The following PROK2 variants were observed in gnomAD, a reference collection of about 807,000 sequenced individuals.
PROK2 encodes prokineticin-2.
PROK2 carries 8 observed loss-of-function variants against 14.2 expected under a neutral mutation model. The observed-to-expected ratio is 0.56, with a 90% confidence interval of 0.33 to 1.02. The LOEUF (loss-of-function observed/expected upper bound fraction) is 1.02. Ranked by LOEUF, PROK2 falls within the 50% of genes least tolerant of loss-of-function variation. The probability of loss-of-function intolerance (pLI) is 0.03; values close to 1 mark genes in which losing one functional copy is unlikely to be tolerated. For synonymous variants in PROK2, 59 were observed against 60.7 expected (o/e 0.97, Z 0.13); for missense variants, 154 against 160.4 (o/e 0.96, Z 0.22).
At chr3:71,778,677 G>A (rs776359417) in intron 2 of PROK2, among the ~76,000 whole-genome samples, 1 of 152,132 alleles carries the variant, frequency 6.6e-6, no homozygotes, top group Admixed American at 6.5e-5. Context: ...TCATCAGTAT[G>A]TATTGAGGAA....
intron 2 of PROK2, among the ~76,000 whole-genome samples, chr3:71,778,318 G>A (rs1256236502): frequency 6.6e-6 from 1 of 151,986 alleles, no homozygotes; most frequent in East Asian, 1.9e-4. Context: ...TGCTTCCTAG[G>A]TGAACTCATA....
At chr3:71,783,533 A>G (rs1378863974) in intron 1 of PROK2, among the ~76,000 whole-genome samples, 5 of 152,248 alleles carry the variant, frequency 3.3e-5, no homozygotes, top group African/African-American at 7.2e-5. Flanking sequence ...ATAGGTTTAT[A>G]TATTTTTAAT....
chr3:71,774,462 T>A lies in PROK2; in HGVS notation c.268A>T (p.Ser90Cys), dbSNP rs1250107726. ...GRQERRKRKR[S>C]KRKKEVPFFG... ...CTTCTTACCTCCTTTTTCCTTTTGC[T>A]TCTCTTCCTCTTTCTTCTTTCCTGC... The change falls in exon 3 of 4, where the codon AGC becomes TGC. Residue 90 changes from serine (S) to cysteine (C), a missense_variant. Ser to Cys is a moderately radical substitution (Grantham distance 112). Transcript: ENST00000295619. 6 of 1,551,420 alleles carry A rather than the reference T, an allele frequency of 3.9e-6. No individual in the cohort carries two copies.
intron 2 of PROK2, among the ~76,000 whole-genome samples, chr3:71,778,466 T>A (rs144182937): frequency 7.9e-5 from 12 of 152,278 alleles, no homozygotes; most frequent in African/African-American, 2.2e-4. Flanking sequence ...CAAACTGAAC[T>A]CGGTAGCTAT....
intron 2 of PROK2, 135 bp from the exon 3 acceptor site, chr3:71,774,642 T>C: frequency 8.2e-7 from 1 of 1,215,762 alleles, no homozygotes; most frequent in Non-Finnish European, 1.1e-6. Flanking sequence ...TCTGTCCTTT[T>C]GCTATGTCAT....
intron 1 of PROK2, 33 bp from the exon 2 acceptor site, chr3:71,781,625 A>G (rs1354264708): frequency 1.0e-5 from 16 of 1,599,820 alleles, no homozygotes; most frequent in East Asian, 8.9e-5. Context: ...ATAAATATAG[A>G]TAACAGGAAA....
intron 2 of PROK2, among the ~76,000 whole-genome samples, chr3:71,780,125 C>T (rs779481589): frequency 6.6e-6 from 1 of 152,214 alleles, no homozygotes; most frequent in Non-Finnish European, 1.5e-5. Flanking sequence ...AAAAACAATG[C>T]ATGTCATGTT....
Position 71,781,576 on chromosome 3 carries a change from G to A in PROK2, c.113C>T (p.Ser38Phe), listed in dbSNP as rs760882134. The A allele has an allele frequency of 6.2e-7, 1 of 1,611,950 alleles. No homozygotes were observed. Among genetic ancestry groups the A allele is most frequent in the East Asian group, 2.2e-5 (1 of 44,870 alleles). The stretch of plus-strand genomic sequence containing the variant: ...ACAGCACATGCCTCCACCACATTGG[G>A]AGTCCTTGTCACAAGCCTGAAATGT... ...AVITGACDKD[S>F]QCGGGMCCAV... The change falls in exon 2 of 4, where the codon TCC (serine) becomes TTC (phenylalanine). Residue 38 changes from serine (S) to phenylalanine (F), a missense_variant. Transcript: ENST00000295619.
intron 1 of PROK2, among the ~76,000 whole-genome samples, chr3:71,782,105 T>C (rs2050164899): frequency 6.6e-6 from 1 of 152,228 alleles, no homozygotes; most frequent in Admixed American, 6.5e-5. Context: ...TCAGAAGTGC[T>C]CATTTTCCCC....
chr3:71,774,090 G>C (rs776714957), intron 3 of PROK2, among the ~76,000 whole-genome samples: 4 of 152,152 alleles, frequency 2.6e-5, no homozygotes, highest in Non-Finnish European at 5.9e-5. Context: ...GATGTTTCCA[G>C]AGTTTAAGCA....
chr3:71,775,390 T>G (rs977244655), intron 2 of PROK2, among the ~76,000 whole-genome samples: 1 of 152,180 alleles, frequency 6.6e-6, no homozygotes, highest in Non-Finnish European at 1.5e-5. Context: ...CTCTTGATCA[T>G]ACAAGACAGA....
In PROK2 at chr3:71,772,714, T is replaced by C. The variant is rs912657535; in HGVS notation, c.*10A>G. 1.9e-6 allele frequency: 3 copies of C among 1,609,880 alleles called. No individual in the cohort carries two copies. Among genetic ancestry groups the C allele is most frequent in the Non-Finnish European group, 2.6e-6 (3 of 1,176,278 alleles). On this transcript the variant is annotated 3_prime_UTR_variant, in exon 4 of 4. Coordinates refer to ENST00000295619, the MANE Select transcript of PROK2 (RefSeq NM_001126128.2). Reference sequence around the variant, plus strand: ...GTGGCTATTCACATTTGGTTTCTACTCCAGAGCGATTACTTTTGGGCTAAA... The same window carrying C: ...GTGGCTATTCACATTTGGTTTCTACCCCAGAGCGATTACTTTTGGGCTAAA...
At chr3:71,782,395 A>G (rs561380830) in intron 1 of PROK2, among the ~76,000 whole-genome samples, 18 of 152,346 alleles carry the variant, frequency 1.2e-4, no homozygotes, top group Admixed American at 9.8e-4. Context: ...TAATTACTCA[A>G]GTCACCTGCT....
At chr3:71,774,342 G>T in intron 3 of PROK2, 103 bp downstream of exon 3, 1 of 1,534,284 alleles carries the variant, frequency 6.5e-7, no homozygotes, top group South Asian at 1.2e-5. Flanking sequence ...TTATGTTGGG[G>T]CTGAACTGAT....
chr3:71,784,131 TG>T (rs1237547941), intron 1 of PROK2, among the ~76,000 whole-genome samples: 1 of 152,260 alleles, frequency 6.6e-6, no homozygotes, highest in Non-Finnish European at 1.5e-5. Flanking sequence ...ATAGCAGTTT[TG>T]CCTTGTTAAT....
At chr3:71,782,569 T>C (rs928553851) in intron 1 of PROK2, among the ~76,000 whole-genome samples, 1 of 152,208 alleles carries the variant, frequency 6.6e-6, no homozygotes, top group African/African-American at 2.4e-5. Flanking sequence ...TAGAATGCTT[T>C]GTTTGAACCG....
At position 71,774,475 on chromosome 3, in the gene PROK2, T is replaced by C. The variant is rs1403741662; in HGVS notation, c.255A>G (p.Arg85=). ...NNFGNGRQER[R]KRKRSKRKKE... ...TTTTCCTTTTGCTTCTCTTCCTCTT[T>C]CTTCTTTCCTGCCTTCCATTTCCAA... The change falls in exon 3 of 4, where the codon AGA becomes AGG. Residue 85 remains arginine (R), a synonymous_variant. Transcript: ENST00000295619. The C allele has an allele frequency of 1.3e-6, 2 of 1,551,452 alleles. No individual in the cohort carries two copies. Among genetic ancestry groups the C allele is most frequent in the South Asian group, 2.4e-5 (2 of 84,024 alleles).
At chr3:71,773,257 T>C (rs1003210248) in intron 3 of PROK2, among the ~76,000 whole-genome samples, 3 of 152,184 alleles carry the variant, frequency 2.0e-5, no homozygotes, top group Admixed American at 6.5e-5. Context: ...TGGGATTACA[T>C]ATGTGAGTTA....
chr3:71,777,848 CTT>C (rs11309477), intron 2 of PROK2, among the ~76,000 whole-genome samples: 9 of 144,604 alleles, frequency 6.2e-5, no homozygotes, highest in Admixed American at 1.4e-4. Context: ...GTTGTTTTGT[CTT>C]TTTTTTTTTT....
Sources: allele counts gnomAD v4.1 joint callset (sites outside exome capture counted in the v4.1 genomes callset), GRCh38; gene constraint gnomAD v4.1.1; transcripts MANE v1.5; gene names NCBI Gene and HGNC (gene_info 2026-07-23, HGNC 2026-07-21).